NEGR1: variants seen among roughly 807,000 people sequenced by gnomAD.
The protein encoded by NEGR1 is neuronal growth regulator 1.
Under a neutral mutation model 40.9 loss-of-function variants are expected in NEGR1, and 10 were observed. The observed-to-expected ratio is 0.24, with a 90% CI of 0.15 to 0.42. NEGR1 has a LOEUF of 0.42. Among genes scored for constraint, NEGR1 ranks in the 10% least tolerant of loss-of-function variants. The pLI, the probability that NEGR1 is intolerant of heterozygous loss-of-function variation, is 1.00. For synonymous variants in NEGR1, 185 were observed against 166.8 expected, an observed-to-expected ratio of 1.11 and a Z score of -0.84; for missense variants, 352 against 438.9, an observed-to-expected ratio of 0.80 and a Z score of 1.77.
At chr1:72,019,157 C>T (rs184271300) in intron 1 of NEGR1, among the ~76,000 whole-genome samples, 69 of 152,172 alleles carry the variant, frequency 4.5e-4, no homozygotes, top group Admixed American at 1.8e-3. Context: ...GAGTGAATGG[C>T]GGCCCTGTGC....
At chr1:72,156,634 T>A (rs1310154274) in intron 1 of NEGR1, among the ~76,000 whole-genome samples, 1 of 152,168 alleles carries the variant, frequency 6.6e-6, no homozygotes, top group African/African-American at 2.4e-5. Flanking sequence ...TAGTCTTTTT[T>A]CATTCCTCAA....
At chr1:72,218,618 T>G (rs909580187) in intron 1 of NEGR1, among the ~76,000 whole-genome samples, 2 of 152,010 alleles carry the variant, frequency 1.3e-5, no homozygotes, top group Non-Finnish European at 2.9e-5. Context: ...GGGAGTTGTT[T>G]TTTTTTCCTA....
chr1:71,786,221 T>G (rs1656902511), intron 2 of NEGR1, among the ~76,000 whole-genome samples: 2 of 152,208 alleles, frequency 1.3e-5, no homozygotes, highest in Non-Finnish European at 2.9e-5. Flanking sequence ...TGATTCAATT[T>G]AATATAATGC....
At chr1:71,595,642 G>A (rs1286007052) in intron 5 of NEGR1, among the ~76,000 whole-genome samples, 1 of 152,264 alleles carries the variant, frequency 6.6e-6, no homozygotes, top group Middle Eastern at 3.4e-3. Flanking sequence ...AGTGACTAGG[G>A]ACAAGACTGG....
chr1:72,206,847 T>C (rs1291748116), intron 1 of NEGR1, among the ~76,000 whole-genome samples: 1 of 151,798 alleles, frequency 6.6e-6, no homozygotes, highest in Non-Finnish European at 1.5e-5. Flanking sequence ...CTAATTTTAT[T>C]ATAGGGAGGG....
At chr1:71,538,363 C>G (rs1647579490) in intron 6 of NEGR1, among the ~76,000 whole-genome samples, 1 of 151,568 alleles carries the variant, frequency 6.6e-6, no homozygotes, top group Non-Finnish European at 1.5e-5. Flanking sequence ...GTTATTTTAT[C>G]TTTATGTTAT....
At chr1:72,117,263 CT>C (rs1649617511) in intron 1 of NEGR1, among the ~76,000 whole-genome samples, 1 of 151,750 alleles carries the variant, frequency 6.6e-6, no homozygotes, top group Non-Finnish European at 1.5e-5. Context: ...AAATCTGTTA[CT>C]TTTATTTAAA....
At chr1:71,703,661 G>A (rs1013564521) in intron 3 of NEGR1, among the ~76,000 whole-genome samples, 4 of 151,894 alleles carry the variant, frequency 2.6e-5, no homozygotes, top group African/African-American at 9.6e-5. Context: ...CTATTAATTG[G>A]AAGAAATTAA....
chr1:71,734,148 A>T (rs1156995410), intron 3 of NEGR1, among the ~76,000 whole-genome samples: 1 of 152,184 alleles, frequency 6.6e-6, no homozygotes, highest in East Asian at 1.9e-4. Context: ...ATAAATAAGA[A>T]AAAGCATTTG....
intron 4 of NEGR1, among the ~76,000 whole-genome samples, chr1:71,660,365 A>G (rs760527299): frequency 3.0e-4 from 45 of 152,204 alleles, no homozygotes; most frequent in Admixed American, 1.2e-3. Context: ...CAGAAAAGAT[A>G]GCTATTGGAT....
chr1:72,155,662 A>G (rs1206271412), intron 1 of NEGR1, among the ~76,000 whole-genome samples: 1 of 152,082 alleles, frequency 6.6e-6, no homozygotes, highest in Non-Finnish European at 1.5e-5. Context: ...AATAAAGCCA[A>G]TTTAGGCTTT....
chr1:72,186,793 T>C (rs1448465013), intron 1 of NEGR1, among the ~76,000 whole-genome samples: 12 of 151,614 alleles, frequency 7.9e-5, no homozygotes. Context: ...CTTTGAGAAT[T>C]CAATGAGGTA....
chr1:71,939,208 ATC>A (rs1645937533), intron 1 of NEGR1, among the ~76,000 whole-genome samples: 1 of 152,076 alleles, frequency 6.6e-6, no homozygotes. Context: ...CTTGTTCCCT[ATC>A]TTCCTTAGGT....
intron 3 of NEGR1, among the ~76,000 whole-genome samples, chr1:71,732,918 A>T (rs1163795527): frequency 1.3e-5 from 2 of 152,198 alleles, no homozygotes; most frequent in Admixed American, 1.3e-4. Flanking sequence ...CGATTTTCAA[A>T]TAAACCTGGG....
At chr1:72,234,326 T>C (rs1213055540) in intron 1 of NEGR1, among the ~76,000 whole-genome samples, 1 of 152,140 alleles carries the variant, frequency 6.6e-6, no homozygotes, top group Non-Finnish European at 1.5e-5. Flanking sequence ...TGTTCTTTTT[T>C]ATGGCTATAT....
chr1:71,578,621 G>T (rs1329871083), intron 6 of NEGR1, among the ~76,000 whole-genome samples: 1 of 152,052 alleles, frequency 6.6e-6, no homozygotes, highest in Non-Finnish European at 1.5e-5. Flanking sequence ...GAAAGATTTT[G>T]CTCATAAATG....
At chr1:71,752,285 A>G (rs999877371) in intron 3 of NEGR1, among the ~76,000 whole-genome samples, 5 of 152,144 alleles carry the variant, frequency 3.3e-5, no homozygotes, top group African/African-American at 9.7e-5. Context: ...CAACTACTCA[A>G]CTCTGCTCTT....
chr1:71,870,599 A>G (rs1383620122), intron 2 of NEGR1, among the ~76,000 whole-genome samples: 1 of 152,200 alleles, frequency 6.6e-6, no homozygotes, highest in Non-Finnish European at 1.5e-5. Context: ...TAGCTGACTC[A>G]TATTCCTAAT....
intron 4 of NEGR1, among the ~76,000 whole-genome samples, chr1:71,631,230 T>C (rs867179204): frequency 2.1e-4 from 32 of 151,614 alleles, no homozygotes; most frequent in African/African-American, 7.8e-4. Flanking sequence ...ATTTCAAAAA[T>C]ATTTAAGTAA....
Sources: allele counts gnomAD v4.1 joint callset (sites outside exome capture counted in the v4.1 genomes callset), GRCh38; gene constraint gnomAD v4.1.1; transcripts MANE v1.5; gene names NCBI Gene and HGNC (gene_info 2026-07-23, HGNC 2026-07-21).